CACNA2D3: variants seen among roughly 807,000 people sequenced by gnomAD.
CACNA2D3 encodes calcium voltage-gated channel auxiliary subunit alpha2delta 3.
A neutral mutation model predicts 160.6 loss-of-function variants in CACNA2D3; 60 were observed. The observed-to-expected ratio is 0.37, with a 90% CI of 0.30 to 0.46. CACNA2D3 has a LOEUF of 0.46. Ranked by LOEUF, CACNA2D3 falls within the 20% of genes least tolerant of loss-of-function variation. CACNA2D3 has a pLI of 1.00. For missense variants in CACNA2D3, 1,205 were observed against 1,365.0 expected (o/e 0.88, Z 1.85); for synonymous variants, 558 against 492.9 (o/e 1.13, Z -1.75).
chr3:54,829,643 G>T (rs561376795), intron 14 of CACNA2D3, among the ~76,000 whole-genome samples: 1 of 151,870 alleles, frequency 6.6e-6, no homozygotes, highest in African/African-American at 2.4e-5. Context: ...TGCAGGACAT[G>T]GGTGACATTT....
At chr3:55,051,966 G>C (rs541742147) in intron 35 of CACNA2D3, among the ~76,000 whole-genome samples, 11 of 152,176 alleles carry the variant, frequency 7.2e-5, no homozygotes, top group Admixed American at 5.2e-4. Context: ...GCTTCGCCTC[G>C]TGCACGGTGC....
At chr3:54,536,392 GA>G (rs1362058196) in intron 5 of CACNA2D3, among the ~76,000 whole-genome samples, 4 of 152,134 alleles carry the variant, frequency 2.6e-5, no homozygotes, top group African/African-American at 9.7e-5. Flanking sequence ...GGTTAGGTTG[GA>G]ACACTTTCCA....
intron 17 of CACNA2D3, among the ~76,000 whole-genome samples, chr3:54,864,881 A>G (rs1559608984): frequency 1.3e-5 from 2 of 152,070 alleles, no homozygotes; most frequent in East Asian, 3.9e-4. Context: ...CAGCCATGTC[A>G]CCACGTGACC....
At chr3:54,976,114 T>G (rs1702387147) in intron 29 of CACNA2D3, among the ~76,000 whole-genome samples, 1 of 151,670 alleles carries the variant, frequency 6.6e-6, no homozygotes, top group South Asian at 2.1e-4. Context: ...GGATTGCTTT[T>G]TTCAAACAAG....
intron 27 of CACNA2D3, among the ~76,000 whole-genome samples, chr3:54,926,495 G>T (rs562351501): frequency 7.6e-6 from 1 of 132,426 alleles, no homozygotes; most frequent in Non-Finnish European, 1.6e-5. Context: ...GTGCTCCACT[G>T]CCTGTCAAAT....
In CACNA2D3 at chr3:54,349,089, A is replaced by C. The variant is rs1452494081; in HGVS notation, c.321+28531A>C. On this transcript the variant is annotated intron_variant, in intron 3 of 37. Coordinates refer to ENST00000474759, the MANE Select transcript of CACNA2D3 (RefSeq NM_018398.3). ...AGTGAGAGACTCTTGGTTGTGTCCCAGGGAGGGAGAGAGAAAATGGGTCTG... is the reference window on the plus strand; with the variant it reads ...AGTGAGAGACTCTTGGTTGTGTCCCCGGGAGGGAGAGAGAAAATGGGTCTG... Among the ~76,000 whole-genome samples the C allele has an allele frequency of 2.6e-5, 4 of 152,156 alleles. No individual in the cohort carries two copies. In the South Asian group the frequency reaches 8.3e-4, roughly 32 times the overall value.
At chr3:54,804,080 G>A (rs1235112232) in intron 13 of CACNA2D3, among the ~76,000 whole-genome samples, 3 of 151,978 alleles carry the variant, frequency 2.0e-5, no homozygotes, top group African/African-American at 2.4e-5. Context: ...AGGAACAACT[G>A]GTACCAGCCA....
In CACNA2D3 at chr3:54,808,983, A is replaced by G. The variant is rs1575487659; in HGVS notation, c.1381-7870A>G. Among the ~76,000 whole-genome samples the G allele has an allele frequency of 1.3e-5, 2 of 152,320 alleles. 1 individual carries two copies. The highest frequency in any genetic ancestry group is 2.9e-5 in the Non-Finnish European group (2 of 68,016). ...TGTTATGGGCCAGTTGTTTTCGTAA[A>G]GACTCAATATGCATTAGCTCGTTTA... On this transcript the variant is annotated intron_variant, in intron 13 of 37. Coordinates refer to ENST00000474759, the MANE Select transcript of CACNA2D3 (RefSeq NM_018398.3).
intron 17 of CACNA2D3, among the ~76,000 whole-genome samples, chr3:54,852,298 C>T (rs949231595): frequency 2.0e-5 from 3 of 152,232 alleles, no homozygotes; most frequent in Non-Finnish European, 4.4e-5. Context: ...TTCACCCCTA[C>T]GCCATCTAGA....
At chr3:54,987,964 G>T (rs1438717223) in intron 31 of CACNA2D3, among the ~76,000 whole-genome samples, 1 of 152,172 alleles carries the variant, frequency 6.6e-6, no homozygotes, top group African/African-American at 2.4e-5. Context: ...TGAGTTTCCT[G>T]TTCACCCAGC....
intron 2 of CACNA2D3, among the ~76,000 whole-genome samples, chr3:54,232,934 T>G (rs1341288332): frequency 1.3e-5 from 2 of 152,200 alleles, no homozygotes; most frequent in Non-Finnish European, 2.9e-5. Context: ...ATGATTAGTT[T>G]AACCCATCTC....
At chr3:54,201,266 C>T (rs550046812) in intron 2 of CACNA2D3, among the ~76,000 whole-genome samples, 96 of 152,254 alleles carry the variant, frequency 6.3e-4, no homozygotes, top group South Asian at 1.4e-3. Flanking sequence ...TTTGAAATTA[C>T]ACATTATAGT....
chr3:54,937,683 G>A (rs1701364897), intron 27 of CACNA2D3, among the ~76,000 whole-genome samples: 1 of 152,182 alleles, frequency 6.6e-6, no homozygotes, highest in Admixed American at 6.5e-5. Context: ...GTTATAGCCA[G>A]GCTGAAATCT....
chr3:54,123,054 C>T (rs999139715), intron 1 of CACNA2D3, among the ~76,000 whole-genome samples: 1 of 152,174 alleles, frequency 6.6e-6, no homozygotes, highest in Non-Finnish European at 1.5e-5. Flanking sequence ...TGGAGAGGCT[C>T]ACCTCAAGTG....
chr3:54,828,981 C>A, intron 14 of CACNA2D3, among the ~76,000 whole-genome samples: 1 of 152,314 alleles, frequency 6.6e-6, no homozygotes, highest in South Asian at 2.1e-4. Flanking sequence ...ATTTCTTATT[C>A]TTGTTTCTTA....
rs543365828 is a variant in CACNA2D3, at chr3:54,368,355, C to A, written c.322-18360C>A. 6.6e-5 allele frequency among the ~76,000 whole-genome samples: 10 copies of A among 152,204 alleles called. No homozygotes were observed. In the South Asian group the frequency reaches 2.1e-3, roughly 32 times the overall value. ...AAAACAAATAGTAGTTATTTGATTA[C>A]CTATTCGTCTCCTTTACTATTTTGT... On this transcript the variant is annotated intron_variant, in intron 3 of 37. Coordinates refer to ENST00000474759, the MANE Select transcript of CACNA2D3 (RefSeq NM_018398.3).
rs9311543 is a variant in CACNA2D3 at position 54,883,799 on chromosome 3, A to ATCTCTCTCTCTCTC, written c.1913-1471_1913-1458dup. On this transcript the variant is annotated intron_variant, in intron 21 of 37. Transcript: ENST00000474759. ...TCCTGACCTCCATAGTTACAATGGA[A>ATCTCTCTCTCTCTC]TCTCTCTCTCTCTCTCTCTCTCTCC... Among the ~76,000 whole-genome samples the ATCTCTCTCTCTCTC allele has an allele frequency of 4.8e-4, 52 of 107,332 alleles. 2 individuals carry two copies. Among genetic ancestry groups the ATCTCTCTCTCTCTC allele is most frequent in the South Asian group, 3.2e-3 (8 of 2,528 alleles). 70.4% of individuals were successfully genotyped at this position (107,332 alleles called of 152,430 possible).
chr3:54,763,935 T>G (rs1702168892), intron 12 of CACNA2D3, among the ~76,000 whole-genome samples: 1 of 142,660 alleles, frequency 7.0e-6, no homozygotes, highest in Non-Finnish European at 1.5e-5. Flanking sequence ...GAGGATATTC[T>G]CCAAAGAATT....
chr3:54,577,938 A>G (rs1371509840), intron 8 of CACNA2D3, among the ~76,000 whole-genome samples: 1 of 152,194 alleles, frequency 6.6e-6, no homozygotes, highest in Non-Finnish European at 1.5e-5. Context: ...ACAGCATCCG[A>G]GTCCCCGTAT....
Sources: allele counts gnomAD v4.1 joint callset (sites outside exome capture counted in the v4.1 genomes callset), GRCh38; gene constraint gnomAD v4.1.1; transcripts MANE v1.5; gene names NCBI Gene and HGNC (gene_info 2026-07-23, HGNC 2026-07-21).